The following NRG1 variants were observed in gnomAD, a reference collection of about 807,000 sequenced individuals.
The protein encoded by NRG1 is neuregulin 1.
In NRG1, 18 loss-of-function variants were observed where a neutral mutation model predicts 63.8. The observed-to-expected ratio is 0.28, with a 90% CI of 0.19 to 0.42. The LOEUF is 0.42. Among genes scored for constraint, NRG1 ranks in the 10% least tolerant of loss-of-function variants. The pLI, the probability that NRG1 is intolerant of heterozygous loss-of-function variation, is 1.00. For missense variants in NRG1, 762 were observed against 814.7 expected (o/e 0.94, Z 0.79); for synonymous variants, 302 against 301.3 (o/e 1.00, Z -0.02).
chr8:32,451,657 T>C (rs574451484), intron 1 of NRG1, among the ~76,000 whole-genome samples: 1 of 152,238 alleles, frequency 6.6e-6, no homozygotes, highest in Non-Finnish European at 1.5e-5. Context: ...AGCAACTCTT[T>C]GCTTCTTGAT....
At chr8:31,871,454 AG>A (rs1313820642) in intron 1 of NRG1, among the ~76,000 whole-genome samples, 8 of 151,964 alleles carry the variant, frequency 5.3e-5, no homozygotes, top group Admixed American at 2.6e-4. Context: ...GCTCCATGCA[AG>A]GGGAGCCATT....
chr8:32,259,567 T>C (rs1168324287), intron 1 of NRG1, among the ~76,000 whole-genome samples: 1 of 152,090 alleles, frequency 6.6e-6, no homozygotes. Context: ...TGGTATTCTG[T>C]TATAGCAGCA....
chr8:31,887,657 T>C (rs1326707290), intron 1 of NRG1, among the ~76,000 whole-genome samples: 1 of 152,068 alleles, frequency 6.6e-6, no homozygotes, highest in Non-Finnish European at 1.5e-5. Flanking sequence ...TTAGAAAATA[T>C]GATTTAAGAG....
chr8:32,548,633 G>A (rs1372104282), exon 1 of NRG1: 2 of 1,448,972 alleles, frequency 1.4e-6, no homozygotes, highest in Non-Finnish European at 1.8e-6. Flanking sequence ...TCTCCCCCTC[G>A]AGGGACAAAC....
intron 1 of NRG1, among the ~76,000 whole-genome samples, chr8:31,840,234 C>T (rs570554617): frequency 3.9e-5 from 6 of 152,152 alleles, no homozygotes; most frequent in African/African-American, 1.2e-4. Flanking sequence ...GCCAGCCAGT[C>T]TACCTAGTCC....
chr8:31,823,627 C>G (rs999882770), intron 1 of NRG1, among the ~76,000 whole-genome samples: 1 of 152,166 alleles, frequency 6.6e-6, no homozygotes, highest in African/African-American at 2.4e-5. Flanking sequence ...TAAGTAAACA[C>G]CTTTGTCCAC....
intron 5 of NRG1, among the ~76,000 whole-genome samples, chr8:32,637,409 T>G (rs1427838151): frequency 1.3e-5 from 2 of 152,090 alleles, no homozygotes; most frequent in Admixed American, 6.6e-5. Flanking sequence ...GGACCGAGGG[T>G]TTTCTAGTCA....
intron 1 of NRG1, among the ~76,000 whole-genome samples, chr8:32,167,469 G>C (rs2131971790): frequency 6.6e-6 from 1 of 152,292 alleles, no homozygotes; most frequent in African/African-American, 2.4e-5. Flanking sequence ...TATTTCTTAA[G>C]AGGTAAAAAT....
chr8:32,357,683 G>A (rs566467444), intron 1 of NRG1, among the ~76,000 whole-genome samples: 9 of 152,106 alleles, frequency 5.9e-5, no homozygotes, highest in South Asian at 4.2e-4. Context: ...GTGTTAATTC[G>A]CTTAATAGCA....
At chr8:32,218,381 TAAA>T (rs1845465908) in intron 1 of NRG1, among the ~76,000 whole-genome samples, 1 of 152,250 alleles carries the variant, frequency 6.6e-6, no homozygotes, top group African/African-American at 2.4e-5. Flanking sequence ...TTTCTGTTCA[TAAA>T]TTCTCTCCTA....
chr8:32,656,538 TG>T (rs1343242022), intron 5 of NRG1, among the ~76,000 whole-genome samples: 1 of 152,194 alleles, frequency 6.6e-6, no homozygotes, highest in Non-Finnish European at 1.5e-5. Flanking sequence ...GATATAAGTT[TG>T]TAAGAGCTTG....
At chr8:32,102,282 C>T (rs1830674919) in intron 1 of NRG1, among the ~76,000 whole-genome samples, 1 of 152,012 alleles carries the variant, frequency 6.6e-6, no homozygotes, top group South Asian at 2.1e-4. Context: ...GGACTACAGG[C>T]GTGTGCCACC....
intron 1 of NRG1, among the ~76,000 whole-genome samples, chr8:32,173,363 C>A (rs1310316206): frequency 6.6e-6 from 1 of 152,202 alleles, no homozygotes; most frequent in Non-Finnish European, 1.5e-5. Flanking sequence ...AAAGGAACAA[C>A]CAGTACCAGC....
chr8:31,970,993 G>A (rs958837693), intron 1 of NRG1, among the ~76,000 whole-genome samples: 8 of 151,628 alleles, frequency 5.3e-5, no homozygotes, highest in East Asian at 1.9e-4. Context: ...GCAGTGAGCC[G>A]AGATGGCACC....
At chr8:31,974,623 A>G (rs528061785) in intron 1 of NRG1, among the ~76,000 whole-genome samples, 1 of 152,246 alleles carries the variant, frequency 6.6e-6, no homozygotes, top group South Asian at 2.1e-4. Context: ...GGCCTTCAAT[A>G]AAGGGAGGCT....
At chr8:31,662,174 G>C (rs1806055849) in intron 1 of NRG1, among the ~76,000 whole-genome samples, 1 of 152,148 alleles carries the variant, frequency 6.6e-6, no homozygotes, top group Admixed American at 6.5e-5. Context: ...TGCAATTAGT[G>C]GACAGAGACA....
chr8:31,704,705 G>A (rs1486474318), intron 1 of NRG1, among the ~76,000 whole-genome samples: 3 of 151,606 alleles, frequency 2.0e-5, no homozygotes, highest in Non-Finnish European at 2.9e-5. Flanking sequence ...GGTGGCGGGC[G>A]CCTGTAGTCC....
At chr8:32,432,879 AG>A (rs1334160042) in intron 1 of NRG1, among the ~76,000 whole-genome samples, 1 of 152,152 alleles carries the variant, frequency 6.6e-6, no homozygotes, top group Admixed American at 6.6e-5. Flanking sequence ...ATTCGGGTGG[AG>A]CAAAAGCTTT....
intron 1 of NRG1, among the ~76,000 whole-genome samples, chr8:31,945,686 C>T (rs1245231644): frequency 1.3e-5 from 2 of 152,204 alleles, no homozygotes; most frequent in Non-Finnish European, 1.5e-5. Flanking sequence ...TTCGACAGGT[C>T]CTTCTCAGAA....
Sources: allele counts gnomAD v4.1 joint callset (sites outside exome capture counted in the v4.1 genomes callset), GRCh38; gene constraint gnomAD v4.1.1; transcripts MANE v1.5; gene names NCBI Gene and HGNC (gene_info 2026-07-23, HGNC 2026-07-21).